CELF2: variants seen among roughly 807,000 people sequenced by gnomAD.
CELF2 encodes CUG triplet repeat RNA-binding protein 2.
A neutral mutation model predicts 62.6 loss-of-function variants in CELF2; 8 were observed. That is an observed-to-expected ratio of 0.13 (90% CI 0.07 to 0.23). The LOEUF (loss-of-function observed/expected upper bound fraction) is 0.23, where lower values mean the gene tolerates loss of function less well. Among genes scored for constraint, CELF2 ranks in the 10% least tolerant of loss-of-function variants. The pLI is 1.00. For synonymous variants in CELF2, 258 were observed against 250.0 expected, an observed-to-expected ratio of 1.03 and a Z score of -0.30; for missense variants, 333 against 671.0, an observed-to-expected ratio of 0.50 and a Z score of 5.56.
At chr10:11,261,724 G>C in intron 5 of CELF2, among the ~76,000 whole-genome samples, 1 of 152,128 alleles carries the variant, frequency 6.6e-6, no homozygotes, top group Admixed American at 6.5e-5. Context: ...AGCAACTTTG[G>C]GATGCTCAGC....
intron 4 of CELF2, among the ~76,000 whole-genome samples, chr10:11,250,307 A>C (rs759333100): frequency 1.1e-4 from 17 of 152,232 alleles, no homozygotes; most frequent in Non-Finnish European, 2.1e-4. Context: ...CCAGGAGTTC[A>C]AGGCCAGCCT....
At chr10:11,021,531 G>C (rs528666719) in intron 1 of CELF2, among the ~76,000 whole-genome samples, 1 of 152,186 alleles carries the variant, frequency 6.6e-6, no homozygotes, top group African/African-American at 2.4e-5. Context: ...GCAGTGTGAC[G>C]AGTCCAAGAA....
intron 2 of CELF2, chr10:10,946,595 C>G (rs2047712023): frequency 6.6e-6 from 1 of 152,374 alleles, no homozygotes; most frequent in Non-Finnish European, 1.5e-5. Context: ...TTCTCTTTTT[C>G]TTTTCCTAAA....
Position 11,244,680 on chromosome 10 carries a change from AAAC to A in CELF2, c.355-4463_355-4461del, listed in dbSNP as rs369265620. Reference sequence around the variant, plus strand: ...TCTCAAAAAAAAAAAAACAGCATAAAAACAACAACAACTTCCGTTGCTTCCTCT... The same window carrying A: ...TCTCAAAAAAAAAAAAACAGCATAAAAACAACAACTTCCGTTGCTTCCTCT... On this transcript the variant is annotated intron_variant, in intron 3 of 12. Coordinates refer to ENST00000633077, the MANE Select transcript of CELF2 (RefSeq NM_001326342.2). This position sits in a 1 kb window ranked among gnomAD's most constrained non-coding sequence, Gnocchi z 4.2. Among the ~76,000 whole-genome samples the A allele has an allele frequency of 4.0e-5, 6 of 151,884 alleles. No individual in the cohort carries two copies. The highest frequency in any genetic ancestry group is 7.4e-5 in the Non-Finnish European group (5 of 67,878).
the CELF2 span, among the ~76,000 whole-genome samples, chr10:10,467,374 T>G: frequency 6.6e-6 from 1 of 152,070 alleles, no homozygotes; most frequent in Non-Finnish European, 1.5e-5. Flanking sequence ...CCTTAGTTTA[T>G]TTGTCAAAAA....
chr10:10,699,483 C>T, the CELF2 span, among the ~76,000 whole-genome samples: 1 of 152,182 alleles, frequency 6.6e-6, no homozygotes, highest in Non-Finnish European at 1.5e-5. Flanking sequence ...TGTCTCAGCA[C>T]TGTATGGATA....
chr10:10,692,320 G>T, the CELF2 span, among the ~76,000 whole-genome samples: 1 of 151,628 alleles, frequency 6.6e-6, no homozygotes, highest in Non-Finnish European at 1.5e-5. Flanking sequence ...GATAGTTGTA[G>T]ATATGTGGCA....
chr10:10,615,900 G>T, the CELF2 span, among the ~76,000 whole-genome samples: 1 of 152,068 alleles, frequency 6.6e-6, no homozygotes, highest in South Asian at 2.1e-4. Flanking sequence ...TAATATAACT[G>T]GTGAAGGAAG....
Position 11,321,536 on chromosome 10 carries a change from G to A in CELF2, c.1294+150G>A. 1.3e-5 allele frequency: 9 copies of A among 667,362 alleles called. No individual in the cohort carries two copies. The highest frequency in any genetic ancestry group is 2.2e-5 in the Non-Finnish European group (9 of 405,924). 41.3% of individuals were successfully genotyped at this position (667,362 alleles called of 1,614,324 possible). On this transcript the variant is annotated intron_variant, in intron 11 of 12. Transcript: ENST00000633077. This position sits in a 1 kb window ranked among gnomAD's most constrained non-coding sequence, Gnocchi z 6.2. ...TTCATGTTTAAAAAAAAAAAAAACT[G>A]AAAGCTGGGCATGGTGGCATACACC...
At chr10:10,546,209 G>A in the CELF2 span, among the ~76,000 whole-genome samples, 95 of 152,296 alleles carry the variant, frequency 6.2e-4, no homozygotes, top group African/African-American at 2.3e-3. Flanking sequence ...CCTGCCTGCC[G>A]ATAACCATAC....
intron 1 of CELF2, among the ~76,000 whole-genome samples, chr10:10,861,203 A>G (rs1335072942): frequency 1.3e-5 from 2 of 152,000 alleles, no homozygotes; most frequent in African/African-American, 2.4e-5. Context: ...CCACCTCAGT[A>G]TCTTGGACTA....
rs563688217 is a variant in CELF2 at position 11,227,786 on chromosome 10, C to A, written c.354+10279C>A. Among the ~76,000 whole-genome samples, 8 of 152,282 alleles carry A rather than the reference C, an allele frequency of 5.3e-5. No individual in the cohort carries two copies. Among genetic ancestry groups the A allele is most frequent in the East Asian group, 1.9e-4 (1 of 5,182 alleles). On this transcript the variant is annotated intron_variant, in intron 3 of 12. Coordinates refer to ENST00000633077, the MANE Select transcript of CELF2 (RefSeq NM_001326342.2). The surrounding 1 kb of genome is among the most constrained non-coding windows in gnomAD (Gnocchi z 4.8). ...GCTGGCACTTTCTACAACACTGTCA[C>A]GCATCAGGGACGAGGGTACCGAGTG...
chr10:10,645,070 G>C, the CELF2 span, among the ~76,000 whole-genome samples: 3 of 152,176 alleles, frequency 2.0e-5, no homozygotes, highest in African/African-American at 7.2e-5. Context: ...ATCTCCTGGG[G>C]ATACTGGCCT....
At chr10:10,574,021 G>T in the CELF2 span, among the ~76,000 whole-genome samples, 5 of 152,196 alleles carry the variant, frequency 3.3e-5, no homozygotes, top group Non-Finnish European at 7.3e-5. Context: ...AATTTGATCT[G>T]ATCTGGTCAC....
the CELF2 span, among the ~76,000 whole-genome samples, chr10:10,710,557 A>G: frequency 6.6e-6 from 1 of 152,220 alleles, no homozygotes; most frequent in African/African-American, 2.4e-5. Context: ...TGATTAAGGA[A>G]CAAACAGTTT....
chr10:10,740,153 CTTTT>C, the CELF2 span, among the ~76,000 whole-genome samples: 2 of 94,486 alleles, frequency 2.1e-5, no homozygotes, highest in Admixed American at 1.3e-4. Flanking sequence ...GTTGCCTGTG[CTTTT>C]TTTTTTTTTT....
chr10:11,212,142 C>T (rs1159017119), intron 2 of CELF2, among the ~76,000 whole-genome samples: 1 of 152,176 alleles, frequency 6.6e-6, no homozygotes, highest in Non-Finnish European at 1.5e-5. Context: ...ACATATGCAA[C>T]TGTATTGCTA....
chr10:11,099,751 A>C (rs1177031899), intron 1 of CELF2, among the ~76,000 whole-genome samples: 1 of 152,102 alleles, frequency 6.6e-6, no homozygotes, highest in East Asian at 1.9e-4. Flanking sequence ...TTATTGTGTA[A>C]ATTGCAGAAT....
At chr10:11,077,912 A>C (rs2072585664) in intron 1 of CELF2, among the ~76,000 whole-genome samples, 1 of 152,228 alleles carries the variant, frequency 6.6e-6, no homozygotes, top group African/African-American at 2.4e-5. Context: ...TTAGACATAC[A>C]GTAACACCTG....
Sources: allele counts gnomAD v4.1 joint callset (sites outside exome capture counted in the v4.1 genomes callset), GRCh38; gene constraint gnomAD v4.1.1; non-coding constraint Gnocchi (gnomAD v3.1); transcripts MANE v1.5; gene names NCBI Gene and HGNC (gene_info 2026-07-23, HGNC 2026-07-21).